FGF19: variants seen among roughly 807,000 people sequenced by gnomAD.
FGF19 encodes the protein fibroblast growth factor 19.
FGF19 carries 5 observed loss-of-function variants against 8.9 expected under a neutral mutation model. The observed-to-expected ratio is 0.56, with a 90% CI of 0.29 to 1.18. The LOEUF (loss-of-function observed/expected upper bound fraction) is 1.18. Among genes scored for constraint, FGF19 ranks in the 50% most tolerant of loss-of-function variants. The pLI is 0.08. For synonymous variants in FGF19, 124 were observed against 128.0 expected (o/e 0.97, Z 0.21); for missense variants, 237 against 293.9 (o/e 0.81, Z 1.42).
rs1854798657 is a variant in FGF19 at position 69,703,331 on chromosome 11, G to A, written c.266C>T (p.Thr89Ile). ...LLEIKAVALRTVAIKGVHSVR... is the reference protein window; with the variant it reads ...LLEIKAVALRIVAIKGVHSVR... ...GCTGTGCACGCCCTTGATGGCCACG[G>A]TCCGCAGAGCGACTGCCTTGATCTC... is the stretch of plus-strand genomic sequence containing the variant. The change falls in exon 2 of 3, where the codon ACC becomes ATC. Residue 89 changes from threonine to isoleucine, a missense_variant. By Grantham distance (89) the Thr-to-Ile change is moderately conservative (BLOSUM62 -1). Coordinates refer to ENST00000294312, the MANE Select transcript of FGF19 (RefSeq NM_005117.3). The surrounding 1 kb of genome is among the most constrained non-coding windows in gnomAD (Gnocchi z 6.8). 6.2e-7 allele frequency: 1 copy of A among 1,610,564 alleles called. No homozygotes were observed. The highest frequency in any genetic ancestry group is 8.5e-7 in the Non-Finnish European group (1 of 1,178,874).
chr11:69,703,473 G>T lies in FGF19; in HGVS notation c.233-109C>A. On this transcript the variant is annotated intron_variant, in intron 1 of 2. Transcript: ENST00000294312. This position sits in a 1 kb window ranked among gnomAD's most constrained non-coding sequence, Gnocchi z 6.8. ...TCTCCCTAGCGTCCCGCGCTGTTTG[G>T]GGACTAACGGAGGGATCCTAACGTC... is the stretch of plus-strand genomic sequence containing the variant. The T allele has an allele frequency of 1.1e-6, 1 of 938,176 alleles. No homozygotes were observed. The highest frequency in any genetic ancestry group is 2.8e-5 in the East Asian group (1 of 35,184). 58.1% of individuals were successfully genotyped at this position (938,176 alleles called of 1,614,324 possible).
intron 2 of FGF19, among the ~76,000 whole-genome samples, chr11:69,700,604 A>T (rs995276819): frequency 1.3e-5 from 2 of 152,230 alleles, no homozygotes; most frequent in Non-Finnish European, 2.9e-5. Context: ...AGATGAAAGC[A>T]TCTGTTCCCC....
chr11:69,703,312 C>A lies in FGF19; in HGVS notation c.285G>T (p.Val95=). 1 of 1,610,800 alleles carries A rather than the reference C, an allele frequency of 6.2e-7. No homozygotes were observed. ...CCATGCAGAGGTACCGCACGCTGTG[C>A]ACGCCCTTGATGGCCACGGTCCGCA... ...VALRTVAIKG[V]HSVRYLCMGA... is the part of the protein sequence containing the mutation. The change falls in exon 2 of 3, where the codon GTG becomes GTT. Residue 95 remains valine, a synonymous_variant. Coordinates refer to ENST00000294312, the MANE Select transcript of FGF19 (RefSeq NM_005117.3). The surrounding 1 kb of genome is among the most constrained non-coding windows in gnomAD (Gnocchi z 6.8).
In FGF19 at chr11:69,703,552, G is replaced by T; in HGVS notation, c.232+93C>A. On this transcript the variant is annotated intron_variant, in intron 1 of 2. Transcript: ENST00000294312. This position sits in a 1 kb window ranked among gnomAD's most constrained non-coding sequence, Gnocchi z 6.8. The stretch of plus-strand genomic sequence containing the variant: ...GTTGAGGGGTCCGCAGGAGCCTAAG[G>T]GTGGCAAAGGAAGGAAGGGCGCTGG... 2.5e-6 allele frequency: 2 copies of T among 786,422 alleles called. No homozygotes were observed. The highest frequency in any genetic ancestry group is 3.5e-6 in the Non-Finnish European group (2 of 572,268). 48.7% of individuals were successfully genotyped at this position (786,422 alleles called of 1,614,324 possible). A position where few individuals can be genotyped will look rare whatever the true frequency, so the allele number is the denominator to read the frequency against.
In FGF19 at chr11:69,699,385, A is replaced by G. The variant is rs2119905543; in HGVS notation, c.528T>C (p.Pro176=). 1.9e-6 allele frequency: 3 copies of G among 1,614,132 alleles called. No homozygotes were observed. The highest frequency in any genetic ancestry group is 2.5e-6 in the Non-Finnish European group (3 of 1,179,978). ...ATTCCAAGTGGCCCCTGAGGTCCTC[A>G]GGCTCCTCTGGGACCATGGGCAGCA... ...LPMLPMVPEE[P]EDLRGHLESD... The change falls in exon 3 of 3, where the codon CCT becomes CCC. Residue 176 remains proline, a synonymous_variant. Coordinates refer to ENST00000294312, the MANE Select transcript of FGF19 (RefSeq NM_005117.3).
chr11:69,703,472 G>C lies in FGF19; in HGVS notation c.233-108C>G. On this transcript the variant is annotated intron_variant, in intron 1 of 2. Coordinates refer to ENST00000294312, the MANE Select transcript of FGF19 (RefSeq NM_005117.3). The surrounding 1 kb of genome is among the most constrained non-coding windows in gnomAD (Gnocchi z 6.8). ...TTCTCCCTAGCGTCCCGCGCTGTTT[G>C]GGGACTAACGGAGGGATCCTAACGT... 1 of 937,064 alleles carries C rather than the reference G, an allele frequency of 1.1e-6. No homozygotes were observed. Among genetic ancestry groups the C allele is most frequent in the South Asian group, 1.8e-5 (1 of 54,780 alleles). 58.0% of individuals were successfully genotyped at this position (937,064 alleles called of 1,614,324 possible). A position where few individuals can be genotyped will look rare whatever the true frequency, so the allele number is the denominator to read the frequency against.
chr11:69,703,222 TC>T lies in FGF19; in HGVS notation c.336+38del. 1 of 1,419,404 alleles carries T rather than the reference TC, an allele frequency of 7.0e-7. No homozygotes were observed. The highest frequency in any genetic ancestry group is 9.7e-7 in the Non-Finnish European group (1 of 1,030,838). 87.9% of individuals were successfully genotyped at this position (1,419,404 alleles called of 1,614,324 possible). ...GCCTCCGCCCGGGGACAGGCGCCGG[TC>T]CCCCGCCCCGGCGCATCCGCCCCGT... On this transcript the variant is annotated intron_variant, in intron 2 of 2. Coordinates refer to ENST00000294312, the MANE Select transcript of FGF19 (RefSeq NM_005117.3). The surrounding 1 kb of genome is among the most constrained non-coding windows in gnomAD (Gnocchi z 6.8).
Position 69,703,221 on chromosome 11 carries a change from G to T in FGF19, c.336+40C>A. On this transcript the variant is annotated intron_variant, in intron 2 of 2. Transcript: ENST00000294312. The surrounding 1 kb of genome is among the most constrained non-coding windows in gnomAD (Gnocchi z 6.8). ...GGCCTCCGCCCGGGGACAGGCGCCG[G>T]TCCCCCGCCCCGGCGCATCCGCCCC... 1 of 1,437,202 alleles carries T rather than the reference G, an allele frequency of 7.0e-7. No individual in the cohort carries two copies. Among genetic ancestry groups the T allele is most frequent in the Non-Finnish European group, 9.5e-7 (1 of 1,047,350 alleles). The allele number at this position is 1,437,202 out of a possible 1,614,324, so 89.0% of individuals were successfully genotyped here. A position where few individuals can be genotyped will look rare whatever the true frequency, so the allele number is the denominator to read the frequency against.
At chr11:69,701,516 T>C (rs976082064) in intron 2 of FGF19, among the ~76,000 whole-genome samples, 2 of 149,480 alleles carry the variant, frequency 1.3e-5, no homozygotes, top group African/African-American at 4.9e-5. Flanking sequence ...GGCAGGAGAA[T>C]TGCTTGAACC....
In FGF19 at chr11:69,703,547, C is replaced by G. The variant is rs1854801198; in HGVS notation, c.232+98G>C. Reference sequence around the variant, plus strand: ...CAGGAGTTGAGGGGTCCGCAGGAGCCTAAGGGTGGCAAAGGAAGGAAGGGC... The same window carrying G: ...CAGGAGTTGAGGGGTCCGCAGGAGCGTAAGGGTGGCAAAGGAAGGAAGGGC... On this transcript the variant is annotated intron_variant, in intron 1 of 2. Coordinates refer to ENST00000294312, the MANE Select transcript of FGF19 (RefSeq NM_005117.3). This position sits in a 1 kb window ranked among gnomAD's most constrained non-coding sequence, Gnocchi z 6.8. 2 of 728,884 alleles carry G rather than the reference C, an allele frequency of 2.7e-6. No homozygotes were observed. The highest frequency in any genetic ancestry group is 9.9e-5 in the Admixed American group (2 of 20,172). The allele number at this position is 728,884 out of a possible 1,614,324, so 45.2% of individuals were successfully genotyped here. A position where few individuals can be genotyped will look rare whatever the true frequency, so the allele number is the denominator to read the frequency against.
chr11:69,700,028 G>T (rs985294010), intron 2 of FGF19, among the ~76,000 whole-genome samples: 11 of 151,786 alleles, frequency 7.2e-5, no homozygotes, highest in Non-Finnish European at 1.6e-4. Flanking sequence ...AGTCAAGGCT[G>T]CACTGAGCAA....
In FGF19 at chr11:69,703,727, G is replaced by C; in HGVS notation, c.150C>G (p.Ser50=). The change falls in exon 1 of 3, where the codon TCC becomes TCG. Residue 50 remains serine, a synonymous_variant. Coordinates refer to ENST00000294312, the MANE Select transcript of FGF19 (RefSeq NM_005117.3). This position sits in a 1 kb window ranked among gnomAD's most constrained non-coding sequence, Gnocchi z 6.8. Reference sequence around the variant, plus strand: ...AGCAGCTGGAGAGCCCGTGGGGGCCGGAGGTGTACAGGTGCCGCAGGCGGA... The same window carrying C: ...AGCAGCTGGAGAGCCCGTGGGGGCCCGAGGTGTACAGGTGCCGCAGGCGGA... The part of the protein sequence containing the change: ...DPIRLRHLYT[S]GPHGLSSCFL... The C allele has an allele frequency of 5.7e-6, 7 of 1,233,860 alleles. No individual in the cohort carries two copies. Among genetic ancestry groups the C allele is most frequent in the Non-Finnish European group, 7.1e-6 (7 of 988,818 alleles). The allele number at this position is 1,233,860 out of a possible 1,614,324, so 76.4% of individuals were successfully genotyped here. A position where few individuals can be genotyped will look rare whatever the true frequency, so the allele number is the denominator to read the frequency against.
In FGF19 at chr11:69,702,673, C is replaced by G. The variant is rs1263418108; in HGVS notation, c.336+588G>C. Among the ~76,000 whole-genome samples the G allele has an allele frequency of 1.3e-5, 2 of 152,146 alleles. No individual in the cohort carries two copies. Among genetic ancestry groups the G allele is most frequent in the Admixed American group, 1.3e-4 (2 of 15,278 alleles). On this transcript the variant is annotated intron_variant, in intron 2 of 2. Transcript: ENST00000294312. This position sits in a 1 kb window ranked among gnomAD's most constrained non-coding sequence, Gnocchi z 4.6. ...GAGGCCCGCAGGAGGAAAAGCACTC[C>G]CCTGGCGCAACATGACTCCAGCGCA...
In FGF19 at chr11:69,703,492, T is replaced by C; in HGVS notation, c.233-128A>G. The C allele has an allele frequency of 1.2e-6, 1 of 829,984 alleles. No homozygotes were observed. Among genetic ancestry groups the C allele is most frequent in the Non-Finnish European group, 1.8e-6 (1 of 559,978 alleles). The allele number at this position is 829,984 out of a possible 1,614,324, so 51.4% of individuals were successfully genotyped here. A position where few individuals can be genotyped will look rare whatever the true frequency, so the allele number is the denominator to read the frequency against. On this transcript the variant is annotated intron_variant, in intron 1 of 2. Transcript: ENST00000294312. This position sits in a 1 kb window ranked among gnomAD's most constrained non-coding sequence, Gnocchi z 6.8. ...TGTTTGGGGACTAACGGAGGGATCC[T>C]AACGTCCAGGTGCCAAAACCTGGGG...
chr11:69,703,242 G>T lies in FGF19; in HGVS notation c.336+19C>A. The T allele has an allele frequency of 6.4e-7, 1 of 1,554,702 alleles. No individual in the cohort carries two copies. Among genetic ancestry groups the T allele is most frequent in the Non-Finnish European group, 8.8e-7 (1 of 1,142,252 alleles). ...GCCGGTCCCCCGCCCCGGCGCATCC[G>T]CCCCGTGGGGACACTTACCAGCCCC... On this transcript the variant is annotated intron_variant, in intron 2 of 2. Transcript: ENST00000294312. This position sits in a 1 kb window ranked among gnomAD's most constrained non-coding sequence, Gnocchi z 6.8.
chr11:69,699,233 G>A lies in FGF19; in HGVS notation c.*29C>T. ...GCTGCAGGTACCACAGCCCCTGGCA[G>A]CAGTGAAGAGGCCCGGGCATGGTCT... is the stretch of plus-strand genomic sequence containing the variant. On this transcript the variant is annotated 3_prime_UTR_variant, in exon 3 of 3. Transcript: ENST00000294312. The A allele has an allele frequency of 6.5e-7, 1 of 1,546,054 alleles. No individual in the cohort carries two copies. Among genetic ancestry groups the A allele is most frequent in the Non-Finnish European group, 8.8e-7 (1 of 1,135,370 alleles).
rs1854810373 is a variant in FGF19 at position 69,703,944 on chromosome 11, A to T, written c.-68T>A. ...TGCGGGAGGCTGGGCGGCGACCGGG[A>T]TGCGCTGCGGGGCTGTGAGTGCCGG... On this transcript the variant is annotated 5_prime_UTR_variant, in exon 1 of 3. Coordinates refer to ENST00000294312, the MANE Select transcript of FGF19 (RefSeq NM_005117.3). This position sits in a 1 kb window ranked among gnomAD's most constrained non-coding sequence, Gnocchi z 6.8. 1.0e-6 allele frequency: 1 copy of T among 980,270 alleles called. No homozygotes were observed. Among genetic ancestry groups the T allele is most frequent in the South Asian group, 4.4e-5 (1 of 22,736 alleles). 60.7% of individuals were successfully genotyped at this position (980,270 alleles called of 1,614,324 possible). A position where few individuals can be genotyped will look rare whatever the true frequency, so the allele number is the denominator to read the frequency against.
Position 69,699,178 on chromosome 11 carries a change from G to C in FGF19, c.*84C>G. 1 of 963,090 alleles carries C rather than the reference G, an allele frequency of 1.0e-6. No homozygotes were observed. The highest frequency in any genetic ancestry group is 1.5e-6 in the Non-Finnish European group (1 of 647,080). 59.7% of individuals were successfully genotyped at this position (963,090 alleles called of 1,614,324 possible). On this transcript the variant is annotated 3_prime_UTR_variant, in exon 3 of 3. Transcript: ENST00000294312. Reference sequence around the variant, plus strand: ...TAAAGCTAAACAGAACGTGGACTCAGGACTGTTCTTGTAGAAGCACGTCCC... The same window carrying C: ...TAAAGCTAAACAGAACGTGGACTCACGACTGTTCTTGTAGAAGCACGTCCC...
At chr11:69,700,346 C>G (rs1854755101) in intron 2 of FGF19, among the ~76,000 whole-genome samples, 1 of 152,080 alleles carries the variant, frequency 6.6e-6, no homozygotes, top group South Asian at 2.1e-4. Context: ...CATATACACT[C>G]TATATAGACC....
Sources: gnomAD v4.1 joint callset for allele counts (sites outside exome capture counted in the v4.1 genomes callset) on GRCh38, gnomAD v4.1.1 for gene constraint, Gnocchi (gnomAD v3.1) non-coding constraint, MANE v1.5 for transcripts, NCBI Gene and HGNC (gene_info 2026-07-23, HGNC 2026-07-21) for gene names.